The following NIBAN3 variants were observed in gnomAD, a reference collection of about 807,000 sequenced individuals.
NIBAN3 encodes niban apoptosis regulator 3, also known as protein Niban 3.
A neutral mutation model predicts 76.4 loss-of-function variants in NIBAN3; 66 were observed. That is an observed-to-expected ratio of 0.86 (90% CI 0.71 to 1.06). NIBAN3 has a LOEUF of 1.06. Among genes scored for constraint, NIBAN3 ranks in the 50% least tolerant of loss-of-function variants. NIBAN3 has a pLI of 0.00. For synonymous variants in NIBAN3, 360 were observed against 355.2 expected, an observed-to-expected ratio of 1.01 and a Z score of -0.15; for missense variants, 808 against 810.7, an observed-to-expected ratio of 1.00 and a Z score of 0.04.
Position 17,537,481 on chromosome 19 carries a change from C to A in NIBAN3, c.533C>A (p.Thr178Asn). 1 of 1,613,116 alleles carries A rather than the reference C, an allele frequency of 6.2e-7. No individual in the cohort carries two copies. Reference protein sequence around the residue: ...FRRHLCFSAATREAQHAWRLA... With the variant: ...FRRHLCFSAANREAQHAWRLA... ...CGGCACCTCTGCTTCTCTGCAGCCA[C>A]CAGGGAGGCACAGCATGCCTGGAGG... The change falls in exon 5 of 15, where the codon ACC becomes AAC. Residue 178 changes from threonine to asparagine, a missense_variant. Thr to Asn is a moderately conservative substitution (Grantham distance 65). Transcript: ENST00000599164.
In NIBAN3 at chr19:17,536,938, A is replaced by G. The variant is rs548101576; in HGVS notation, c.428-438A>G. Among the ~76,000 whole-genome samples, 12 of 152,148 alleles carry G rather than the reference A, an allele frequency of 7.9e-5. No individual in the cohort carries two copies. In the South Asian group the frequency reaches 2.5e-3, roughly 32 times the overall value. On this transcript the variant is annotated intron_variant, in intron 4 of 14. Coordinates refer to ENST00000599164, the MANE Select transcript of NIBAN3 (RefSeq NM_001321827.2). ...GATCGCTTGAGCTCAGGAGTTCAAGACCAGCCTGGGTAACATAGTGAGACC... is the reference window on the plus strand; with the variant it reads ...GATCGCTTGAGCTCAGGAGTTCAAGGCCAGCCTGGGTAACATAGTGAGACC...
rs2075980687 is a variant in NIBAN3, at chr19:17,542,829, T to C, written c.1330-488T>C. 6.6e-6 allele frequency among the ~76,000 whole-genome samples: 1 copy of C among 151,994 alleles called. No individual in the cohort carries two copies. Among genetic ancestry groups the C allele is most frequent in the Non-Finnish European group, 1.5e-5 (1 of 67,984 alleles). ...TTTGCCTGCCATAGGGAGCACAGGCTGTTGGGGACAGGAAAAGAGGAGGCA... is the reference window on the plus strand; with the variant it reads ...TTTGCCTGCCATAGGGAGCACAGGCCGTTGGGGACAGGAAAAGAGGAGGCA... On this transcript the variant is annotated intron_variant, in intron 10 of 14. Coordinates refer to ENST00000599164, the MANE Select transcript of NIBAN3 (RefSeq NM_001321827.2). The surrounding 1 kb of genome is among the most constrained non-coding windows in gnomAD (Gnocchi z 4.8).
Position 17,532,304 on chromosome 19 carries a change from G to T in NIBAN3, c.228G>T (p.Gln76His), listed in dbSNP as rs770010414. The T allele has an allele frequency of 2.5e-6, 4 of 1,613,952 alleles. No homozygotes were observed. In the South Asian group the frequency reaches 4.4e-5, roughly 18 times the overall value. The change falls in exon 3 of 15, where the codon CAG becomes CAT. Residue 76 changes from glutamine to histidine, a missense_variant. By Grantham distance (24) the Gln-to-His change is conservative. Transcript: ENST00000599164. ...GTGAGCACCGAGGACCCCTGACCCA[G>T]CTTCGGGGCCACCCACCCCGGTGGC... is the stretch of plus-strand genomic sequence containing the variant. ...RVREHRGPLT[Q>H]LRGHPPRWQP...
intron 14 of NIBAN3, among the ~76,000 whole-genome samples, chr19:17,550,054 A>T (rs1473035071): frequency 6.6e-6 from 1 of 152,018 alleles, no homozygotes; most frequent in Non-Finnish European, 1.5e-5. Context: ...TCCTGACCTC[A>T]CATGATCTGA....
Position 17,552,530 on chromosome 19 carries a change from C to T in NIBAN3, c.*632C>T, listed in dbSNP as rs1423096730. On this transcript the variant is annotated 3_prime_UTR_variant, in exon 15 of 15. Coordinates refer to ENST00000599164, the MANE Select transcript of NIBAN3 (RefSeq NM_001321827.2). ...ACTATGTCCAGCCTCCAAATCCTTT[C>T]TAAACACTAGGACTTTTCATGAAAA... 1.3e-5 allele frequency: 2 copies of T among 152,258 alleles called. No homozygotes were observed. Among genetic ancestry groups the T allele is most frequent in the East Asian group, 3.9e-4 (2 of 5,190 alleles). The allele number at this position is 152,258 out of a possible 1,614,324, so 9.4% of individuals were successfully genotyped here. A position where few individuals can be genotyped will look rare whatever the true frequency, so the allele number is the denominator to read the frequency against.
chr19:17,526,220 G>A (rs2075605996), upstream of NIBAN3, among the ~76,000 whole-genome samples: 1 of 151,422 alleles, frequency 6.6e-6, no homozygotes, highest in East Asian at 1.9e-4. Context: ...GGCTGAGGCT[G>A]GAGAATCACT....
At position 17,542,151 on chromosome 19, in the gene NIBAN3, G is replaced by A. The variant is rs930893736; in HGVS notation, c.1186G>A (p.Glu396Lys). 3 of 1,614,182 alleles carry A rather than the reference G, an allele frequency of 1.9e-6. No individual in the cohort carries two copies. Among genetic ancestry groups the A allele is most frequent in the Middle Eastern group, 1.7e-4 (1 of 6,060 alleles). ...RLRREVYSFG[E>K]MPWDLALMQT... ...GGGAGCACAGGTTTACTCATTTGGG[G>A]AGATGCCGTGGGACTTGGCGCTGAT... Residue 396 changes from glutamate to lysine, a missense_variant, in exon 10 of 15, where the codon GAG becomes AAG. By Grantham distance (56) the Glu-to-Lys change is moderately conservative. Transcript: ENST00000599164. The surrounding 1 kb of genome is among the most constrained non-coding windows in gnomAD (Gnocchi z 4.8).
At chr19:17,555,472 A>T, downstream of NIBAN3, 1 of 247,490 alleles carries the variant, frequency 4.0e-6, no homozygotes, top group Non-Finnish European at 7.2e-6. Context: ...CATCCCTTCC[A>T]CGCGCTCCGA....
chr19:17,545,937 C>G (rs1332249454), intron 12 of NIBAN3: 2 of 439,934 alleles, frequency 4.5e-6, no homozygotes, highest in South Asian at 3.2e-5. Flanking sequence ...GACTCCCTTT[C>G]CCGGTCTGCT....
chr19:17,525,133 T>C (rs2075591880), upstream of NIBAN3, among the ~76,000 whole-genome samples: 2 of 152,140 alleles, frequency 1.3e-5, no homozygotes, highest in Non-Finnish European at 2.9e-5. Context: ...GGACTTTCCT[T>C]CCTCCAGCCT....
At chr19:17,546,504 C>T (rs552558958) in intron 12 of NIBAN3, 182 bp from the exon 13 acceptor site, 33 of 1,124,998 alleles carry the variant, frequency 2.9e-5, no homozygotes, top group African/African-American at 1.5e-4. Flanking sequence ...CATGAGCCAC[C>T]GCACCCGGCC....
rs762955019 is a variant in NIBAN3 at position 17,537,400 on chromosome 19, A to G, written c.452A>G (p.Asp151Gly). Reference sequence around the variant, plus strand: ...GGAGACCATACTCAGGAAGAGCCTGACTCCCTCTTGGAAGTGCCTGTGAGC... The same window carrying G: ...GGAGACCATACTCAGGAAGAGCCTGGCTCCCTCTTGGAAGTGCCTGTGAGC... Reference protein sequence around the residue: ...SLGDHTQEEPDSLLEVPVSFP... With the variant: ...SLGDHTQEEPGSLLEVPVSFP... Residue 151 changes from aspartate (D) to glycine (G), a missense_variant, in exon 5 of 15, where the codon GAC becomes GGC. Transcript: ENST00000599164. The G allele has an allele frequency of 6.2e-7, 1 of 1,613,518 alleles. No homozygotes were observed.
chr19:17,555,358 C>T (rs2144808841), downstream of NIBAN3, among the ~76,000 whole-genome samples: 1 of 152,236 alleles, frequency 6.6e-6, no homozygotes, highest in South Asian at 2.1e-4. Flanking sequence ...TGGCACAGCC[C>T]GGGTTTTATA....
chr19:17,524,698 G>A (rs1004744885), upstream of NIBAN3, among the ~76,000 whole-genome samples: 3 of 152,252 alleles, frequency 2.0e-5, no homozygotes, highest in Admixed American at 1.3e-4. Context: ...TTTCTCTGGA[G>A]AGACACCATT....
chr19:17,526,473 C>T (rs145047695), upstream of NIBAN3, among the ~76,000 whole-genome samples: 896 of 151,706 alleles, frequency 5.9e-3, 8 homozygotes, highest in African/African-American at 0.021. Flanking sequence ...GAAGACCCCC[C>T]GTGTCTACAA....
rs753232898 is a variant in NIBAN3, at chr19:17,543,417, G to A, written c.1430G>A (p.Arg477Lys). ...DQAAQRLERV[R>K]GRVLKKFKSD... is the part of the protein sequence containing the mutation. ...GCTGCCCAGAGGCTGGAGAGAGTCAGGGGGCGCGTGCTGAAGGTGTGTTCT... is the reference window on the plus strand; with the variant it reads ...GCTGCCCAGAGGCTGGAGAGAGTCAAGGGGCGCGTGCTGAAGGTGTGTTCT... Residue 477 changes from arginine to lysine, a missense_variant, in exon 11 of 15, where the codon AGG becomes AAG. Transcript: ENST00000599164. 1.2e-6 allele frequency: 2 copies of A among 1,613,354 alleles called. No homozygotes were observed. The highest frequency in any genetic ancestry group is 3.3e-5 in the Admixed American group (2 of 59,992).
Position 17,542,248 on chromosome 19 carries a change from T to TG in NIBAN3, c.1287dup (p.Met430AspfsTer18). ...CAGCTGGCAGCACCGTTTGGCTTTC[T>TG]GGGGATGCAGAGCCTCGTGTTTGGG... On this transcript the variant is annotated frameshift_variant, in exon 10 of 15. Transcript: ENST00000599164. LOFTEE classifies it high-confidence loss of function. This position sits in a 1 kb window ranked among gnomAD's most constrained non-coding sequence, Gnocchi z 4.8. The TG allele has an allele frequency of 6.2e-7, 1 of 1,613,614 alleles. No individual in the cohort carries two copies.
chr19:17,547,763 G>A (rs1348724613), intron 13 of NIBAN3, among the ~76,000 whole-genome samples: 1 of 151,862 alleles, frequency 6.6e-6, no homozygotes, highest in Non-Finnish European at 1.5e-5. Flanking sequence ...CGCCTCCTGG[G>A]TTCAAGCCAT....
intron 4 of NIBAN3, among the ~76,000 whole-genome samples, chr19:17,534,731 C>T (rs1295159997): frequency 1.4e-5 from 2 of 146,930 alleles, no homozygotes; most frequent in Middle Eastern, 3.3e-3. Flanking sequence ...GCAGAGCTTG[C>T]AGTGAGCCGA....
Sources: gnomAD v4.1 joint callset for allele counts (sites outside exome capture counted in the v4.1 genomes callset) on GRCh38, gnomAD v4.1.1 for gene constraint, Gnocchi (gnomAD v3.1) non-coding constraint, MANE v1.5 for transcripts, NCBI Gene and HGNC (gene_info 2026-07-23, HGNC 2026-07-21) for gene names.